The following ADA2 variants were observed in gnomAD, a reference collection of about 807,000 sequenced individuals.
The protein encoded by ADA2 is adenosine deaminase 2.
A neutral mutation model predicts 44.2 loss-of-function variants in ADA2; 29 were observed. The ratio of observed to expected loss-of-function variants is 0.66; its 90% CI spans 0.49 to 0.89. The LOEUF (loss-of-function observed/expected upper bound fraction) is 0.89. Ranked by LOEUF, ADA2 falls within the 40% of genes least tolerant of loss-of-function variation. The pLI is 0.00. For synonymous variants in ADA2, 215 were observed against 234.9 expected (o/e 0.92, Z 0.77); for missense variants, 637 against 644.8 (o/e 0.99, Z 0.13).
chr22:17,207,549 G>A (rs539578302), intron 2 of ADA2, among the ~76,000 whole-genome samples: 14 of 152,134 alleles, frequency 9.2e-5, no homozygotes, highest in South Asian at 8.3e-4. Context: ...CATGTTTCTC[G>A]GAACTTGTTT....
At chr22:17,186,819 A>G (rs2062041083) in intron 7 of ADA2, among the ~76,000 whole-genome samples, 1 of 148,716 alleles carries the variant, frequency 6.7e-6, no homozygotes, top group Admixed American at 6.9e-5. Flanking sequence ...CAGTGAGCCA[A>G]GATCGCACCA....
intron 5 of ADA2, 75 bp downstream of exon 5, chr22:17,191,608 C>T: frequency 6.5e-7 from 1 of 1,535,484 alleles, no homozygotes. Context: ...CTTCTCACCC[C>T]TCCCCTCCCA....
rs1013385400 is a variant in ADA2, at chr22:17,179,958, C to A, written c.*1525G>T. ...CAGCCTGGCCAACATAGTGAAACCC[C>A]ATCTCTACTAAAAATACAAAAATTA... On this transcript the variant is annotated 3_prime_UTR_variant, in exon 10 of 10. Transcript: ENST00000399837. 2.6e-5 allele frequency: 4 copies of A among 152,110 alleles called. No individual in the cohort carries two copies. The highest frequency in any genetic ancestry group is 9.7e-5 in the African/African-American group (4 of 41,400). The allele number at this position is 152,110 out of a possible 1,614,324, so 9.4% of individuals were successfully genotyped here.
chr22:17,201,395 G>A lies in ADA2; in HGVS notation c.753+2168C>T, dbSNP rs899361196. ...GTCTACAAACAGTAAACTTCGGAGC[G>A]TATAAAAGCCTACAGAATATGCTAA... is the stretch of plus-strand genomic sequence containing the variant. On this transcript the variant is annotated intron_variant, in intron 4 of 9. Transcript: ENST00000399837. Among the ~76,000 whole-genome samples the A allele has an allele frequency of 6.6e-5, 10 of 152,212 alleles. No homozygotes were observed. The South Asian group carries it at 1.2e-3, about 19-fold the overall frequency.
chr22:17,213,900 G>A (rs754534258), intron 1 of ADA2: 27 of 310,608 alleles, frequency 8.7e-5, no homozygotes, highest in Middle Eastern at 1.2e-3. Flanking sequence ...TTAGCTGGGC[G>A]TGGTGGTGTG....
chr22:17,212,324 G>A (rs778922467), intron 1 of ADA2, among the ~76,000 whole-genome samples: 2 of 152,110 alleles, frequency 1.3e-5, no homozygotes, highest in Non-Finnish European at 2.9e-5. Flanking sequence ...ACCGTGCCCA[G>A]CCTTTTCTTG....
upstream of ADA2, among the ~76,000 whole-genome samples, chr22:17,220,640 T>G (rs5747028): frequency 1.1e-4 from 17 of 151,754 alleles, no homozygotes; most frequent in Non-Finnish European, 5.9e-5. Context: ...CCATGTCACA[T>G]GCATGGTCTA....
intron 4 of ADA2, among the ~76,000 whole-genome samples, chr22:17,202,192 C>A (rs867886352): frequency 1.3e-5 from 2 of 151,314 alleles, no homozygotes; most frequent in South Asian, 4.2e-4. Flanking sequence ...TGCAATGACA[C>A]AATCTCTGCT....
chr22:17,184,256 G>A (rs572173297), intron 7 of ADA2, among the ~76,000 whole-genome samples: 136 of 151,372 alleles, frequency 9.0e-4, no homozygotes, highest in Non-Finnish European at 1.6e-3. Context: ...GAGCCACCAC[G>A]CCCGGCCCCA....
intron 9 of ADA2, 102 bp downstream of exon 9, chr22:17,181,718 C>G: frequency 1.8e-6 from 2 of 1,141,412 alleles, no homozygotes; most frequent in African/African-American, 3.0e-5. Context: ...GAGAAGGAAC[C>G]CACAGGAACC....
chr22:17,190,128 A>C, intron 5 of ADA2, 96 bp from the exon 6 acceptor site: 2 of 971,202 alleles, frequency 2.1e-6, no homozygotes, highest in Non-Finnish European at 3.2e-6. Flanking sequence ...GCCAGCCCCA[A>C]GTGTGCAGGT....
chr22:17,210,480 G>A (rs929761138), intron 1 of ADA2, among the ~76,000 whole-genome samples: 7 of 150,246 alleles, frequency 4.7e-5, no homozygotes, highest in African/African-American at 7.4e-5. Flanking sequence ...ATGAGTCACC[G>A]CGCCCGGCAG....
At chr22:17,220,448 A>G (rs529135349), upstream of ADA2, among the ~76,000 whole-genome samples, 5 of 152,294 alleles carry the variant, frequency 3.3e-5, no homozygotes, top group Middle Eastern at 0.01. Flanking sequence ...GAAAATGTGG[A>G]TAATAAAAGC....
intron 4 of ADA2, chr22:17,199,416 T>TCCTCCCTCCCATCCTCTATCCTCTTCC: frequency 4.7e-6 from 2 of 429,644 alleles, no homozygotes; most frequent in African/African-American, 2.5e-5. Context: ...TCTCAGCGTC[T>TCCTCCCTCCCATCCTCTATCCTCTTCC]CCTCCCTCCC....
At chr22:17,194,019 G>GAAAAAAAAAAAAA (rs34572644) in intron 4 of ADA2, among the ~76,000 whole-genome samples, 1 of 123,044 alleles carries the variant, frequency 8.1e-6, no homozygotes, top group Non-Finnish European at 1.7e-5. Flanking sequence ...AAAAAGGAAT[G>GAAAAAAAAAAAAA]AAAAAAAAAA....
intron 4 of ADA2, chr22:17,199,432 C>CTTCCCCTCCCCCCCCTCCTT: frequency 9.7e-7 from 1 of 1,026,978 alleles, no homozygotes; most frequent in Non-Finnish European, 1.5e-6. Flanking sequence ...CTCCCCTCCT[C>CTTCCCCTCCCCCCCCTCCTT]TATCCTCTTC....
In ADA2 at chr22:17,186,440, G is replaced by C. The variant is rs1452414086; in HGVS notation, c.1081+1899C>G. Among the ~76,000 whole-genome samples the C allele has an allele frequency of 2.6e-5, 4 of 151,958 alleles. No individual in the cohort carries two copies. In the East Asian group the frequency reaches 7.7e-4, roughly 29 times the overall value. ...CTATTAAAAATACAAAAATTAGCCG[G>C]GTGTGTTGGTGGGCGCCTGTAATCC... On this transcript the variant is annotated intron_variant, in intron 7 of 9. Transcript: ENST00000399837.
intron 3 of ADA2, among the ~76,000 whole-genome samples, chr22:17,204,869 G>A (rs191465502): frequency 1.3e-4 from 18 of 140,832 alleles, no homozygotes; most frequent in Admixed American, 2.3e-4. Flanking sequence ...ATCACAGCTC[G>A]CTGCAGCCTC....
At chr22:17,214,456 A>G (rs2062449956) in intron 1 of ADA2, among the ~76,000 whole-genome samples, 3 of 152,188 alleles carry the variant, frequency 2.0e-5, no homozygotes, top group Admixed American at 2.0e-4. Context: ...ACCATGTAAA[A>G]ATGTTTTTAT....
Sources: gnomAD v4.1 joint callset for allele counts (sites outside exome capture counted in the v4.1 genomes callset) on GRCh38, gnomAD v4.1.1 for gene constraint, MANE v1.5 for transcripts, NCBI Gene and HGNC (gene_info 2026-07-23, HGNC 2026-07-21) for gene names.